The following NAV2 variants were observed in gnomAD, a reference collection of about 807,000 sequenced individuals.
NAV2 encodes the protein helicase, APC down-regulated 1.
In NAV2, 54 loss-of-function variants were observed where a neutral mutation model predicts 223.2. That is an observed-to-expected ratio of 0.24 (90% CI 0.19 to 0.30). The LOEUF (loss-of-function observed/expected upper bound fraction) is 0.30. Ranked by LOEUF, NAV2 falls within the 10% of genes least tolerant of loss-of-function variation. The pLI is 1.00. For synonymous variants in NAV2, 1,279 were observed against 1,239.3 expected, an observed-to-expected ratio of 1.03 and a Z score of -0.67; for missense variants, 2,806 against 3,147.5, an observed-to-expected ratio of 0.89 and a Z score of 2.60.
intron 1 of NAV2, among the ~76,000 whole-genome samples, chr11:19,390,227 C>T (rs1849194602): frequency 6.6e-6 from 1 of 152,034 alleles, no homozygotes; most frequent in Admixed American, 6.6e-5. Flanking sequence ...GTTCTGGTCT[C>T]CTTGGACTTG....
chr11:19,704,221 AT>A (rs2049594138), intron 1 of NAV2, among the ~76,000 whole-genome samples: 1 of 152,078 alleles, frequency 6.6e-6, no homozygotes, highest in Admixed American at 6.5e-5. Context: ...TATTAAGACC[AT>A]TGTCATTAGC....
At chr11:19,832,431 C>G in intron 1 of NAV2, 53 bp from the exon 2 acceptor site, 1 of 1,444,758 alleles carries the variant, frequency 6.9e-7, no homozygotes, top group Non-Finnish European at 9.7e-7. Flanking sequence ...GCCTCAGACT[C>G]TGAGAGGGGA....
At chr11:19,919,167 C>A (rs1297771209) in intron 6 of NAV2, among the ~76,000 whole-genome samples, 1 of 151,894 alleles carries the variant, frequency 6.6e-6, no homozygotes, top group East Asian at 1.9e-4. Flanking sequence ...TCCTGTACAT[C>A]CAGAATTCAT....
chr11:19,799,159 G>A (rs890463134), intron 1 of NAV2, among the ~76,000 whole-genome samples: 10 of 152,172 alleles, frequency 6.6e-5, no homozygotes, highest in Admixed American at 2.6e-4. Context: ...ACTAGCAGAC[G>A]TGCCTTTTCC....
chr11:19,841,508 G>A (rs576261050), intron 2 of NAV2, among the ~76,000 whole-genome samples: 1 of 152,290 alleles, frequency 6.6e-6, no homozygotes, highest in East Asian at 1.9e-4. Context: ...CAGTTATTGA[G>A]CTCAAAGGAT....
At chr11:19,993,357 C>T (rs1292620097) in intron 11 of NAV2, among the ~76,000 whole-genome samples, 1 of 152,172 alleles carries the variant, frequency 6.6e-6, no homozygotes, top group Non-Finnish European at 1.5e-5. Context: ...GCATGGTGAA[C>T]CACACACAGT....
chr11:19,409,105 C>T (rs1258209912), intron 1 of NAV2, among the ~76,000 whole-genome samples: 1 of 151,880 alleles, frequency 6.6e-6, no homozygotes, highest in Non-Finnish European at 1.5e-5. Context: ...TCTTTTTTTT[C>T]CCCTTTGGGA....
At chr11:19,790,840 T>G (rs2057467983) in intron 1 of NAV2, among the ~76,000 whole-genome samples, 1 of 151,944 alleles carries the variant, frequency 6.6e-6, no homozygotes, top group South Asian at 2.1e-4. Context: ...CTGGATCTGC[T>G]GCCACTTCCA....
intron 1 of NAV2, among the ~76,000 whole-genome samples, chr11:19,752,119 T>G (rs2053873176): frequency 6.6e-6 from 1 of 152,208 alleles, no homozygotes; most frequent in Non-Finnish European, 1.5e-5. Flanking sequence ...AAGGAACCTT[T>G]GGCCCCAAGA....
intron 1 of NAV2, among the ~76,000 whole-genome samples, chr11:19,476,410 G>A (rs1309490739): frequency 6.6e-6 from 1 of 152,016 alleles, no homozygotes; most frequent in East Asian, 1.9e-4. Flanking sequence ...TTACTCCTAT[G>A]GGTATTTGTA....
At chr11:19,523,086 G>A (rs2043722965) in intron 1 of NAV2, among the ~76,000 whole-genome samples, 1 of 152,224 alleles carries the variant, frequency 6.6e-6, no homozygotes, top group Non-Finnish European at 1.5e-5. Flanking sequence ...ATTTTGCAGT[G>A]AGAAGTCTGC....
chr11:19,739,647 C>T (rs115487352), intron 1 of NAV2, among the ~76,000 whole-genome samples: 2,154 of 152,294 alleles, frequency 0.014, 55 homozygotes, highest in African/African-American at 0.049. Flanking sequence ...CTGTTAGCCA[C>T]AGTATCCACC....
rs532614431 is a variant in NAV2 at position 20,093,723 on chromosome 11, G to A, written c.5916+524G>A. Among the ~76,000 whole-genome samples the A allele has an allele frequency of 1.3e-5, 2 of 152,248 alleles. 1 individual carries two copies. Among genetic ancestry groups the A allele is most frequent in the South Asian group, 4.2e-4 (2 of 4,814 alleles). ...TGGGGCGTCCTGACTCCCCAAGGCT[G>A]GGGAATCCGAGTTTTCCTAGTACGG... On this transcript the variant is annotated intron_variant, in intron 29 of 37. Coordinates refer to ENST00000349880, the MANE Select transcript of NAV2 (RefSeq NM_145117.5).
chr11:20,039,992 T>C (rs770853495), intron 12 of NAV2, among the ~76,000 whole-genome samples: 10 of 152,200 alleles, frequency 6.6e-5, no homozygotes, highest in Admixed American at 2.0e-4. Flanking sequence ...AAGTTACTTT[T>C]CCTCTTCAGC....
chr11:19,648,161 A>G (rs562894949), intron 1 of NAV2, among the ~76,000 whole-genome samples: 3 of 152,350 alleles, frequency 2.0e-5, no homozygotes, highest in South Asian at 4.1e-4. Flanking sequence ...TAATCTAACA[A>G]TTAAAACAGT....
intron 1 of NAV2, among the ~76,000 whole-genome samples, chr11:19,601,107 C>A (rs1283036518): frequency 6.6e-6 from 1 of 152,212 alleles, no homozygotes; most frequent in African/African-American, 2.4e-5. Flanking sequence ...TGGCACTGGG[C>A]ACAGTGTCTG....
intron 7 of NAV2, 33 bp from the exon 8 acceptor site, chr11:19,939,628 G>A (rs950924787): frequency 1.9e-6 from 3 of 1,580,632 alleles, no homozygotes; most frequent in Non-Finnish European, 2.6e-6. Flanking sequence ...TGCCTCTCAT[G>A]ACAAGTGTGT....
intron 25 of NAV2, among the ~76,000 whole-genome samples, chr11:20,080,580 G>A (rs116514629): frequency 0.09 from 13,594 of 150,336 alleles, 832 homozygotes; most frequent in Middle Eastern, 0.16. Context: ...ATTTTTTTGA[G>A]CATATTGCTA....
At position 19,418,603 on chromosome 11, in the gene NAV2, A is replaced by T. The variant is rs1047307522; in HGVS notation, c.75+67576A>T. 7.2e-5 allele frequency among the ~76,000 whole-genome samples: 11 copies of T among 152,334 alleles called. No individual in the cohort carries two copies. The South Asian group carries it at 2.3e-3, about 32-fold the overall frequency. On this transcript the variant is annotated intron_variant, in intron 1 of 37. Coordinates refer to the NAV2 transcript ENST00000360655. ...TGATGGTAGGAGAGCGTAGGGGCAC[A>T]TTTAAGGAACTGAAAGACCTGTGGA...
Sources: gnomAD v4.1 joint callset for allele counts (sites outside exome capture counted in the v4.1 genomes callset) on GRCh38, gnomAD v4.1.1 for gene constraint, MANE v1.5 for transcripts, NCBI Gene and HGNC (gene_info 2026-07-23, HGNC 2026-07-21) for gene names.